Variants in NPAS3 observed in about 807,000 individuals in gnomAD.
The protein encoded by NPAS3 is neuronal PAS domain-containing protein 3.
A neutral mutation model predicts 73.1 loss-of-function variants in NPAS3; 14 were observed. That is an observed-to-expected ratio of 0.19 (90% confidence interval 0.13 to 0.30). The LOEUF is 0.30. Ranked by LOEUF, NPAS3 falls within the 10% of genes least tolerant of loss-of-function variation. The pLI is 1.00. For missense variants in NPAS3, 1,096 were observed against 1,250.0 expected (o/e 0.88, Z 1.86); for synonymous variants, 620 against 541.5 (o/e 1.14, Z -2.01).
chr14:33,690,604 ATCT>A (rs940905966), intron 6 of NPAS3, among the ~76,000 whole-genome samples: 1 of 152,116 alleles, frequency 6.6e-6, no homozygotes, highest in Non-Finnish European at 1.5e-5. Context: ...CTGTCAGAAA[ATCT>A]TCTACTATTT....
At chr14:33,681,476 C>T (rs932621187) in intron 6 of NPAS3, among the ~76,000 whole-genome samples, 13 of 152,160 alleles carry the variant, frequency 8.5e-5, no homozygotes, top group African/African-American at 2.4e-4. Flanking sequence ...TTAATATTAG[C>T]GCTGGCCAAG....
At chr14:33,310,962 A>G (rs1353000860) in intron 3 of NPAS3, among the ~76,000 whole-genome samples, 1 of 152,046 alleles carries the variant, frequency 6.6e-6, no homozygotes, top group Non-Finnish European at 1.5e-5. Flanking sequence ...ACTTCAATTA[A>G]ATTAGATTTT....
At chr14:33,680,082 C>G (rs1294836173) in intron 6 of NPAS3, among the ~76,000 whole-genome samples, 1 of 152,154 alleles carries the variant, frequency 6.6e-6, no homozygotes, top group Admixed American at 6.5e-5. Flanking sequence ...GAGCACAGAA[C>G]CTCTGACCAA....
intron 5 of NPAS3, among the ~76,000 whole-genome samples, chr14:33,622,323 G>A (rs1389146255): frequency 1.3e-5 from 2 of 150,068 alleles, no homozygotes; most frequent in Non-Finnish European, 3.0e-5. Context: ...AAAAAAAAAA[G>A]CCATTTTACT....
intron 3 of NPAS3, among the ~76,000 whole-genome samples, chr14:33,308,666 T>G (rs566359292): frequency 6.6e-6 from 1 of 151,786 alleles, no homozygotes; most frequent in African/African-American, 2.4e-5. Context: ...ACTTGGAAAT[T>G]TGTCACTTTT....
At chr14:32,939,239 AC>A (rs1159150079), upstream of NPAS3, 2 of 451,564 alleles carry the variant, frequency 4.4e-6, no homozygotes, top group Middle Eastern at 6.6e-4. Context: ...GCACACGCAC[AC>A]CCCCGCCCGC....
chr14:33,507,211 G>A (rs555800491), intron 4 of NPAS3, among the ~76,000 whole-genome samples: 6 of 152,090 alleles, frequency 3.9e-5, no homozygotes, highest in South Asian at 2.1e-4. Context: ...AGTAGAGAAC[G>A]TAAGGATAGA....
chr14:33,422,550 T>C (rs561864437), intron 4 of NPAS3, among the ~76,000 whole-genome samples: 54 of 152,060 alleles, frequency 3.6e-4, no homozygotes, highest in South Asian at 2.5e-3. Context: ...TAGAAATATG[T>C]GTGTATGTAC....
At chr14:33,762,007 A>C (rs2062308096) in intron 7 of NPAS3, among the ~76,000 whole-genome samples, 1 of 152,212 alleles carries the variant, frequency 6.6e-6, no homozygotes. Flanking sequence ...CTCCAAATTT[A>C]AACTCTTCTT....
intron 4 of NPAS3, among the ~76,000 whole-genome samples, chr14:33,412,861 A>G (rs747292544): frequency 2.6e-5 from 4 of 152,230 alleles, no homozygotes; most frequent in Admixed American, 2.0e-4. Context: ...ATGTTTATTT[A>G]AAACCTACTA....
At chr14:33,288,540 T>G (rs766063833) in intron 3 of NPAS3, among the ~76,000 whole-genome samples, 2 of 152,056 alleles carry the variant, frequency 1.3e-5, no homozygotes, top group Non-Finnish European at 2.9e-5. Flanking sequence ...GGGTGAGTCC[T>G]AAACATGATG....
intron 5 of NPAS3, among the ~76,000 whole-genome samples, chr14:33,601,754 T>G (rs565806608): frequency 2.6e-5 from 4 of 152,326 alleles, no homozygotes; most frequent in South Asian, 4.1e-4. Context: ...TAAAAAATAT[T>G]CATATTTTCA....
intron 5 of NPAS3, among the ~76,000 whole-genome samples, chr14:33,641,620 C>T (rs951135730): frequency 2.6e-5 from 4 of 151,888 alleles, no homozygotes; most frequent in East Asian, 1.9e-4. Context: ...TGATACCTCT[C>T]TCCTGATGGA....
chr14:33,676,724 T>C (rs2059779105), intron 6 of NPAS3, among the ~76,000 whole-genome samples: 2 of 152,232 alleles, frequency 1.3e-5, no homozygotes, highest in Non-Finnish European at 2.9e-5. Flanking sequence ...CGTTTATTTA[T>C]TATTCAGCAA....
chr14:33,651,014 G>A (rs976902288), intron 5 of NPAS3, among the ~76,000 whole-genome samples: 1 of 152,226 alleles, frequency 6.6e-6, no homozygotes, highest in African/African-American at 2.4e-5. Flanking sequence ...GAAAAAGCCA[G>A]ATCAAACACA....
chr14:33,778,595 A>G (rs756599367), intron 9 of NPAS3, 23 bp downstream of exon 9: 1 of 1,503,116 alleles, frequency 6.7e-7, no homozygotes, highest in Non-Finnish European at 9.3e-7. Flanking sequence ...TGTGTGGGGG[A>G]ATAACCCCGG....
intron 1 of NPAS3, among the ~76,000 whole-genome samples, chr14:33,036,498 G>A (rs2040173935): frequency 6.6e-6 from 1 of 152,112 alleles, no homozygotes; most frequent in Non-Finnish European, 1.5e-5. Flanking sequence ...GAAGAAGGCA[G>A]TACAGAAAGC....
At chr14:33,367,769 T>C (rs532033406) in intron 4 of NPAS3, among the ~76,000 whole-genome samples, 3 of 152,186 alleles carry the variant, frequency 2.0e-5, no homozygotes, top group East Asian at 3.9e-4. Flanking sequence ...CGGGAAAATA[T>C]AGTATATTTA....
chr14:33,190,065 C>T (rs1274170113), intron 2 of NPAS3, among the ~76,000 whole-genome samples: 1 of 152,074 alleles, frequency 6.6e-6, no homozygotes, highest in Non-Finnish European at 1.5e-5. Flanking sequence ...CTGACACACT[C>T]CTATAATACA....
Sources: gnomAD v4.1 joint callset for allele counts (sites outside exome capture counted in the v4.1 genomes callset) on GRCh38, gnomAD v4.1.1 for gene constraint, MANE v1.5 for transcripts, NCBI Gene and HGNC (gene_info 2026-07-23, HGNC 2026-07-21) for gene names.